TTC12: variants seen among roughly 807,000 people sequenced by gnomAD.
TTC12 encodes tetratricopeptide repeat protein 12.
In TTC12, 70 loss-of-function variants were observed where a neutral mutation model predicts 90.1. The ratio of observed to expected loss-of-function variants is 0.78; its 90% CI spans 0.64 to 0.95. The LOEUF (loss-of-function observed/expected upper bound fraction) is 0.95. Among genes scored for constraint, TTC12 ranks in the 40% least tolerant of loss-of-function variants. The pLI is 0.00. For synonymous variants in TTC12, 296 were observed against 311.5 expected (o/e 0.95, Z 0.53); for missense variants, 819 against 846.1 (o/e 0.97, Z 0.40).
At chr11:113,360,394 C>T (rs1381364376) in intron 18 of TTC12, among the ~76,000 whole-genome samples, 2 of 151,674 alleles carry the variant, frequency 1.3e-5, no homozygotes, top group African/African-American at 4.9e-5. Context: ...TATTTAGAAT[C>T]CCTTTTTTCC....
intron 2 of TTC12, among the ~76,000 whole-genome samples, chr11:113,320,227 T>C (rs1488580061): frequency 6.6e-6 from 1 of 152,146 alleles, no homozygotes; most frequent in African/African-American, 2.4e-5. Context: ...CCGGGAGATC[T>C]GCAGCGCTAA....
chr11:113,323,869 G>T (rs1947512606), intron 3 of TTC12, 125 bp from the exon 4 acceptor site: 2 of 723,242 alleles, frequency 2.8e-6, no homozygotes, highest in Admixed American at 5.7e-5. Context: ...GAGCCCTTCA[G>T]TTTTGATGGT....
In TTC12 at chr11:113,350,080, G is replaced by C; in HGVS notation, c.1162G>C (p.Glu388Gln). Residue 388 changes from glutamate (E) to glutamine (Q), a missense_variant, in exon 14 of 22, where the codon GAA becomes CAA. Physicochemically the swap from Glu to Gln is conservative, Grantham distance 29. Coordinates refer to ENST00000529221, the MANE Select transcript of TTC12 (RefSeq NM_017868.4). ...TATTATGGTTTTTTGCAGATTATTG[G>C]AAGCGCTGGTGTCATTTCTTGATTT... is the stretch of plus-strand genomic sequence containing the variant. ...INHLDLTRLLEALVSFLDFSD... is the reference protein window; with the variant it reads ...INHLDLTRLLQALVSFLDFSD... The C allele has an allele frequency of 6.2e-7, 1 of 1,613,638 alleles. No homozygotes were observed. The highest frequency in any genetic ancestry group is 8.5e-7 in the Non-Finnish European group (1 of 1,179,568).
chr11:113,322,429 G>T (rs1396400654), intron 2 of TTC12, among the ~76,000 whole-genome samples: 1 of 152,210 alleles, frequency 6.6e-6, no homozygotes, highest in Admixed American at 6.5e-5. Context: ...TTTCCTGGTA[G>T]TAAGGAAGGA....
At chr11:113,328,808 A>T (rs369913787) in intron 6 of TTC12, among the ~76,000 whole-genome samples, 1 of 152,324 alleles carries the variant, frequency 6.6e-6, no homozygotes, top group East Asian at 1.9e-4. Context: ...CTCCCAGCCC[A>T]AGATAATCAC....
At chr11:113,353,476 A>G (rs1392423830) in intron 16 of TTC12, among the ~76,000 whole-genome samples, 3 of 151,944 alleles carry the variant, frequency 2.0e-5, no homozygotes, top group African/African-American at 7.3e-5. Context: ...ATTAGATCTC[A>G]TTTGTCAGTT....
At chr11:113,341,000 C>A (rs868931815) in intron 11 of TTC12, among the ~76,000 whole-genome samples, 10 of 152,132 alleles carry the variant, frequency 6.6e-5, no homozygotes, top group Admixed American at 6.5e-4. Context: ...GAGGTCAAGG[C>A]GGGCGGATCA....
At chr11:113,320,789 C>T (rs542135249) in intron 2 of TTC12, among the ~76,000 whole-genome samples, 3 of 152,340 alleles carry the variant, frequency 2.0e-5, no homozygotes, top group Admixed American at 1.3e-4. Context: ...CGTTCTCCCC[C>T]TCCCCTCAGG....
chr11:113,359,641 A>G (rs1304011439), intron 17 of TTC12, among the ~76,000 whole-genome samples, 180 bp downstream of exon 17: 4 of 152,228 alleles, frequency 2.6e-5, no homozygotes, highest in Non-Finnish European at 5.9e-5. Context: ...TGGATGGATC[A>G]CCACTCAGTC....
chr11:113,348,010 C>G (rs1310742982), intron 13 of TTC12, among the ~76,000 whole-genome samples: 3 of 152,194 alleles, frequency 2.0e-5, no homozygotes, highest in South Asian at 4.1e-4. Flanking sequence ...TGCAAGCCCC[C>G]CTATGCTATC....
In TTC12 at chr11:113,364,963, C is replaced by T; in HGVS notation, c.1945C>T (p.Gln649Ter). The T allele has an allele frequency of 1.2e-6, 2 of 1,614,168 alleles. No homozygotes were observed. The highest frequency in any genetic ancestry group is 1.7e-6 in the Non-Finnish European group (2 of 1,180,034). ...ASSLLKTDLLQVLLKLAGSDT... is the reference protein window; with the variant it reads ...ASSLLKTDLL The stretch of plus-strand genomic sequence containing the variant: ...TTCCCTGCTAAAGACGGACCTTTTG[C>T]AGGTCTTGTTAAAGCTTGCAGGCAG... The change falls in exon 21 of 22, where the codon CAG becomes TAG. Residue 649 changes from glutamine to a stop codon, truncating the protein, a stop_gained. Coordinates refer to ENST00000529221, the MANE Select transcript of TTC12 (RefSeq NM_017868.4). LOFTEE classifies it high-confidence loss of function.
chr11:113,337,151 A>C (rs971291047), intron 8 of TTC12, among the ~76,000 whole-genome samples: 1 of 152,208 alleles, frequency 6.6e-6, no homozygotes, highest in African/African-American at 2.4e-5. Context: ...CTGTCCACCA[A>C]TTTTTATTTA....
downstream of TTC12, among the ~76,000 whole-genome samples, chr11:113,370,722 C>T (rs1274747689): frequency 6.6e-6 from 1 of 152,234 alleles, no homozygotes; most frequent in Non-Finnish European, 1.5e-5. Flanking sequence ...CCGATTACCT[C>T]TGCCAGCCAC....
rs567300242 is a variant in TTC12, at chr11:113,363,642, A to T, written c.1717-186A>T. 2.6e-5 allele frequency among the ~76,000 whole-genome samples: 4 copies of T among 152,282 alleles called. No homozygotes were observed. In the East Asian group the frequency reaches 7.7e-4, roughly 29 times the overall value. ...AGGGGTGTGGGCTGGGTTAGAGAGG[A>T]TGCGGGTGACACTCTGTTCCAGCAG... On this transcript the variant is annotated intron_variant, in intron 19 of 21. Coordinates refer to ENST00000529221, the MANE Select transcript of TTC12 (RefSeq NM_017868.4).
intron 4 of TTC12, 112 bp from the exon 5 acceptor site, chr11:113,324,493 T>C: frequency 2.8e-6 from 2 of 723,626 alleles, no homozygotes; most frequent in Non-Finnish European, 4.7e-6. Context: ...TGTGTGTGCC[T>C]GTGTGCATAT....
chr11:113,323,392 G>A lies in TTC12; in HGVS notation c.163G>A (p.Asp55Asn). 6.2e-7 allele frequency: 1 copy of A among 1,613,356 alleles called. No homozygotes were observed. Among genetic ancestry groups the A allele is most frequent in the Middle Eastern group, 1.6e-4 (1 of 6,062 alleles). ...GCTTATGGAGGAAGACCAGGAGGAG[G>A]ATGAATGCAGGACCACCTTGAACAA... is the stretch of plus-strand genomic sequence containing the variant. ...LLLMEEDQEEDECRTTLNKTM... is the reference protein window; with the variant it reads ...LLLMEEDQEENECRTTLNKTM... Residue 55 changes from aspartate to asparagine, a missense_variant, in exon 3 of 22, where the codon GAT (aspartate) becomes AAT (asparagine). Transcript: ENST00000529221.
rs782101523 is a variant in TTC12, at chr11:113,351,273, G to A, written c.1282G>A (p.Val428Ile). 15 of 1,614,144 alleles carry A rather than the reference G, an allele frequency of 9.3e-6. No homozygotes were observed. Among genetic ancestry groups the A allele is most frequent in the Admixed American group, 1.7e-5 (1 of 60,024 alleles). ...CTGGTTCCAGGCCAACCTTCCAGGTGTTCTCCCTGCACTCACAGGCGTTCT... is the reference window on the plus strand; with the variant it reads ...CTGGTTCCAGGCCAACCTTCCAGGTATTCTCCCTGCACTCACAGGCGTTCT... ...QVWFQANLPG[V>I]LPALTGVLKT... Residue 428 changes from valine to isoleucine, a missense_variant, in exon 15 of 22, where the codon GTT (valine) becomes ATT (isoleucine). Transcript: ENST00000529221.
chr11:113,315,586 T>A (rs961082881), intron 1 of TTC12, among the ~76,000 whole-genome samples: 2 of 152,318 alleles, frequency 1.3e-5, no homozygotes, highest in East Asian at 3.9e-4. Context: ...TTCCCGATGA[T>A]TTTTATGATC....
intron 8 of TTC12, among the ~76,000 whole-genome samples, chr11:113,338,137 T>G (rs572456242): frequency 1.4e-4 from 22 of 152,284 alleles, no homozygotes; most frequent in African/African-American, 5.3e-4. Context: ...TAGATTATAC[T>G]CTGGGCAGTT....
Sources: gnomAD v4.1 joint callset for allele counts (sites outside exome capture counted in the v4.1 genomes callset) on GRCh38, gnomAD v4.1.1 for gene constraint, MANE v1.5 for transcripts, NCBI Gene and HGNC (gene_info 2026-07-23, HGNC 2026-07-21) for gene names.